CRB1: variants seen among roughly 807,000 people sequenced by gnomAD.
The protein encoded by CRB1 is protein crumbs homolog 1.
In CRB1, 83 loss-of-function variants were observed where a neutral mutation model predicts 120.0. The observed-to-expected ratio is 0.69, with a 90% CI of 0.58 to 0.83. The LOEUF (loss-of-function observed/expected upper bound fraction) is 0.83. CRB1 is among the 40% of genes least tolerant of loss of function. The pLI, the probability that CRB1 is intolerant of heterozygous loss-of-function variation, is 0.00. For synonymous variants in CRB1, 625 were observed against 612.5 expected (o/e 1.02, Z -0.30); for missense variants, 1,699 against 1,687.6 (o/e 1.01, Z -0.12).
chr1:197,418,566 G>A (rs1185622528), intron 5 of CRB1, among the ~76,000 whole-genome samples: 3 of 152,162 alleles, frequency 2.0e-5, no homozygotes, highest in South Asian at 4.1e-4. Flanking sequence ...GTACAGTAGA[G>A]TCCAATCAAG....
At chr1:197,459,608 C>G (rs1558156474) in intron 11 of CRB1, among the ~76,000 whole-genome samples, 1 of 151,980 alleles carries the variant, frequency 6.6e-6, no homozygotes, top group Non-Finnish European at 1.5e-5. Context: ...CTAATTGGCC[C>G]CATCTTCTAA....
chr1:197,414,408 C>T (rs1307262313), intron 5 of CRB1, among the ~76,000 whole-genome samples: 1 of 151,916 alleles, frequency 6.6e-6, no homozygotes, highest in Non-Finnish European at 1.5e-5. Context: ...AATATAAAGT[C>T]TACGTTCCTT....
intron 6 of CRB1, chr1:197,422,881 C>T (rs896922846): frequency 1.3e-5 from 2 of 152,046 alleles, no homozygotes; most frequent in African/African-American, 4.8e-5. Flanking sequence ...AAATTAAAAC[C>T]AGTCTTAGCC....
chr1:197,301,421 C>T (rs1382658866), intron 1 of CRB1, among the ~76,000 whole-genome samples: 5 of 152,144 alleles, frequency 3.3e-5, no homozygotes, highest in African/African-American at 1.2e-4. Context: ...CTGCCTCAAC[C>T]TCCCAAAGTT....
rs75617565 is a variant in CRB1 at position 197,323,858 on chromosome 1, G to A, written c.71-4564G>A. On this transcript the variant is annotated intron_variant, in intron 1 of 11. Transcript: ENST00000367400. ...AGGCTGTGTAAAGGAGGACCCAGAA[G>A]CTTTGATTCTCATGGGGATGCTTTG... Among the ~76,000 whole-genome samples, 113 of 152,274 alleles carry A rather than the reference G, an allele frequency of 7.4e-4. 1 individual carries two copies. In the East Asian group the frequency reaches 0.021, roughly 29 times the overall value.
At position 197,356,981 on chromosome 1, in the gene CRB1, G is replaced by T; in HGVS notation, c.1139G>T (p.Gly380Val). ...TCTTTCAGCTACCATGAAGCCTCAG[G>T]TTATGTCTGTATCTGTCAGCCTGGA... ...PSSFSYHEAS[G>V]YVCICQPGFT... Residue 380 changes from glycine to valine, a missense_variant, in exon 5 of 12, where the codon GGT becomes GTT. Coordinates refer to ENST00000367400, the MANE Select transcript of CRB1 (RefSeq NM_201253.3). The T allele has an allele frequency of 6.2e-7, 1 of 1,614,186 alleles. No homozygotes were observed. Among genetic ancestry groups the T allele is most frequent in the Non-Finnish European group, 8.5e-7 (1 of 1,180,026 alleles).
chr1:197,363,956 A>C lies in CRB1; in HGVS notation c.1171+6943A>C, dbSNP rs1240045634. 6.0e-6 allele frequency: 8 copies of C among 1,341,100 alleles called. No individual in the cohort carries two copies. In the African/African-American group the frequency reaches 1.2e-4, roughly 19 times the overall value. The allele number at this position is 1,341,100 out of a possible 1,614,324, so 83.1% of individuals were successfully genotyped here. Reference sequence around the variant, plus strand: ...ATTAAGCTTCGGCGGTATTATGAGAAGCCATGCGGCCGGCGACAGAGGGAA... The same window carrying C: ...ATTAAGCTTCGGCGGTATTATGAGACGCCATGCGGCCGGCGACAGAGGGAA... On this transcript the variant is annotated intron_variant, in intron 5 of 11. Coordinates refer to ENST00000367400, the MANE Select transcript of CRB1 (RefSeq NM_201253.3).
At chr1:197,418,678 G>C (rs1177944194) in intron 5 of CRB1, among the ~76,000 whole-genome samples, 1 of 152,152 alleles carries the variant, frequency 6.6e-6, no homozygotes, top group Non-Finnish European at 1.5e-5. Context: ...TTTTGGATCA[G>C]ATTAAATGCA....
intron 2 of CRB1, among the ~76,000 whole-genome samples, chr1:197,340,435 G>T (rs896837744): frequency 5.9e-5 from 9 of 152,024 alleles, no homozygotes; most frequent in African/African-American, 2.2e-4. Context: ...AGATAGAGAG[G>T]GGATGATGTC....
chr1:197,445,027 C>A (rs1187099990), intron 11 of CRB1, among the ~76,000 whole-genome samples: 1 of 152,076 alleles, frequency 6.6e-6, no homozygotes, highest in Admixed American at 6.6e-5. Context: ...AGTAAAGTTG[C>A]ATGTACTCTG....
chr1:197,452,989 T>C (rs1467949717), intron 11 of CRB1, among the ~76,000 whole-genome samples: 2 of 152,090 alleles, frequency 1.3e-5, no homozygotes, highest in East Asian at 3.8e-4. Context: ...GGCTACATGT[T>C]CAGCGAAGGA....
intron 5 of CRB1, among the ~76,000 whole-genome samples, chr1:197,406,679 T>G (rs1472717955): frequency 6.6e-6 from 1 of 152,246 alleles, no homozygotes; most frequent in Non-Finnish European, 1.5e-5. Flanking sequence ...AACATAAATT[T>G]AACATTTCAA....
Position 197,421,518 on chromosome 1 carries a change from G to T in CRB1, c.1690G>T (p.Asp564Tyr). ...TCTGTTCATTTCCCACAACACCAGC[G>T]ATGGAGAGTGGCATTTCGTGGAGGT... ...VLLFISHNTS[D>Y]GEWHFVEVIF... Residue 564 changes from aspartate (D) to tyrosine (Y), a missense_variant, in exon 6 of 12, where the codon GAT becomes TAT. Physicochemically the swap from Asp to Tyr is radical, Grantham distance 160. Coordinates refer to ENST00000367400, the MANE Select transcript of CRB1 (RefSeq NM_201253.3). 6.2e-7 allele frequency: 1 copy of T among 1,614,220 alleles called. No individual in the cohort carries two copies. The highest frequency in any genetic ancestry group is 8.5e-7 in the Non-Finnish European group (1 of 1,180,040).
chr1:197,250,608 G>A, the CRB1 span, among the ~76,000 whole-genome samples: 2 of 151,992 alleles, frequency 1.3e-5, no homozygotes, highest in Non-Finnish European at 2.9e-5. Context: ...AGCATTAGGG[G>A]CGTAGAGAGG....
the CRB1 span, among the ~76,000 whole-genome samples, chr1:197,259,520 C>T: frequency 6.6e-6 from 1 of 152,046 alleles, no homozygotes; most frequent in African/African-American, 2.4e-5. Flanking sequence ...ATACACCAGT[C>T]CTGTCAGTGG....
intron 1 of CRB1, among the ~76,000 whole-genome samples, chr1:197,300,726 A>G (rs548856953): frequency 6.6e-6 from 1 of 152,334 alleles, no homozygotes; most frequent in African/African-American, 2.4e-5. Flanking sequence ...TAGGCAAAAC[A>G]ACCTCCTGTT....
At chr1:197,442,636 A>G in intron 11 of CRB1, 1 of 945,052 alleles carries the variant, frequency 1.1e-6, no homozygotes, top group Non-Finnish European at 1.5e-6. Flanking sequence ...TCTTAATATA[A>G]CTAGAAATAT....
chr1:197,266,216 T>G (rs1034475700), upstream of CRB1, among the ~76,000 whole-genome samples: 2 of 152,168 alleles, frequency 1.3e-5, no homozygotes, highest in African/African-American at 4.8e-5. Flanking sequence ...ACTGGGTAAT[T>G]TATAACAAGA....
chr1:197,324,275 C>A (rs1054083753), intron 1 of CRB1, among the ~76,000 whole-genome samples: 12 of 152,068 alleles, frequency 7.9e-5, no homozygotes, highest in African/African-American at 2.9e-4. Context: ...ACTCTCTTTG[C>A]AATATTATAT....
Sources: allele counts gnomAD v4.1 joint callset (sites outside exome capture counted in the v4.1 genomes callset), GRCh38; gene constraint gnomAD v4.1.1; transcripts MANE v1.5; gene names NCBI Gene and HGNC (gene_info 2026-07-23, HGNC 2026-07-21).